SUMF1: variants seen among roughly 807,000 people sequenced by gnomAD.
SUMF1 encodes formylglycine-generating enzyme.
A neutral mutation model predicts 47.6 loss-of-function variants in SUMF1; 48 were observed. The ratio of observed to expected loss-of-function variants is 1.01; its 90% CI spans 0.80 to 1.28. The LOEUF (loss-of-function observed/expected upper bound fraction) is 1.28. Among genes scored for constraint, SUMF1 ranks in the 50% most tolerant of loss-of-function variants. SUMF1 has a pLI of 0.00. For missense variants in SUMF1, 571 were observed against 485.4 expected, an observed-to-expected ratio of 1.18 and a Z score of -1.66; for synonymous variants, 230 against 192.1, an observed-to-expected ratio of 1.20 and a Z score of -1.63.
chr3:4,422,547 G>A lies in SUMF1; in HGVS notation c.520-2401C>T, dbSNP rs79796343. On this transcript the variant is annotated intron_variant, in intron 3 of 8. Transcript: ENST00000272902. ...CCATTCTACTACTAATGGGTATTTG[G>A]GTAGTTTCCAGTTTGGGGCTATTAT... is the stretch of plus-strand genomic sequence containing the variant. Among the ~76,000 whole-genome samples the A allele has an allele frequency of 6.4e-3, 972 of 151,246 alleles. 11 individuals carry two copies. The highest frequency in any genetic ancestry group is 0.022 in the African/African-American group (924 of 41,294).
intron 8 of SUMF1, chr3:4,303,640 G>A: frequency 1.4e-6 from 2 of 1,425,832 alleles, no homozygotes; most frequent in Non-Finnish European, 1.8e-6. Flanking sequence ...TTCTCTTACA[G>A]CGCACCCGTT....
intron 8 of SUMF1, among the ~76,000 whole-genome samples, chr3:4,139,781 C>T (rs1285221987): frequency 6.6e-6 from 1 of 151,620 alleles, no homozygotes; most frequent in African/African-American, 2.4e-5. Flanking sequence ...AAAAAAAAAT[C>T]CCCCCTTTAC....
At chr3:4,157,509 A>G (rs1463441591) in intron 8 of SUMF1, among the ~76,000 whole-genome samples, 1 of 151,506 alleles carries the variant, frequency 6.6e-6, no homozygotes, top group Non-Finnish European at 1.5e-5. Context: ...TCTTAGTTTT[A>G]TATCACAATA....
At chr3:4,452,250 G>C (rs7640716) in intron 2 of SUMF1, among the ~76,000 whole-genome samples, 2,622 of 152,068 alleles carry the variant, frequency 0.017, 77 homozygotes, top group African/African-American at 0.06. Flanking sequence ...AACATTCATA[G>C]ACTAGAAAGC....
rs901709300 is a variant in SUMF1, at chr3:4,449,760, T to C, written c.445-420A>G. ...TGTTTGCTCACATTCTGACACATTC[T>C]AGTTCCACTAAGGGGTCAAATGTGC... On this transcript the variant is annotated intron_variant, in intron 2 of 8. Coordinates refer to ENST00000272902, the MANE Select transcript of SUMF1 (RefSeq NM_182760.4). Among the ~76,000 whole-genome samples the C allele has an allele frequency of 3.9e-5, 6 of 152,256 alleles. No homozygotes were observed. The South Asian group carries it at 1.2e-3, about 31-fold the overall frequency.
intron 8 of SUMF1, chr3:4,316,755 C>G (rs1175557666): frequency 1.3e-6 from 2 of 1,550,616 alleles, no homozygotes; most frequent in East Asian, 2.4e-5. Context: ...AAAGCACTTC[C>G]CAAAGCCAAT....
intron 7 of SUMF1, among the ~76,000 whole-genome samples, chr3:4,391,236 T>C (rs558894090): frequency 6.6e-6 from 1 of 152,042 alleles, no homozygotes; most frequent in Non-Finnish European, 1.5e-5. Flanking sequence ...CCAGGTGTGG[T>C]TTTTTGTTTT....
At chr3:4,448,592 C>G (rs1211212265) in intron 3 of SUMF1, among the ~76,000 whole-genome samples, 7 of 152,182 alleles carry the variant, frequency 4.6e-5, no homozygotes, top group Non-Finnish European at 1.0e-4. Flanking sequence ...TGTAAGCAAG[C>G]AAATACTCCA....
intron 8 of SUMF1, among the ~76,000 whole-genome samples, chr3:4,328,314 G>T (rs1698985850): frequency 6.6e-6 from 1 of 152,114 alleles, no homozygotes; most frequent in Admixed American, 6.5e-5. Flanking sequence ...AGGAGACTCA[G>T]TTTCCCAAAC....
chr3:4,458,240 G>C (rs1051082839), intron 1 of SUMF1, among the ~76,000 whole-genome samples: 9 of 152,190 alleles, frequency 5.9e-5, no homozygotes, highest in African/African-American at 2.2e-4. Context: ...ACAAGTGTTG[G>C]AGAAGATGTA....
rs143179313 is a variant in SUMF1, at chr3:4,344,331, C to A, written c.1014+31999G>T. Reference sequence around the variant, plus strand: ...CAGAGCTCCCAGAAGGAGTAGGCAACCATCTTTGCTGCTCTCCAGCCTCCT... The same window carrying A: ...CAGAGCTCCCAGAAGGAGTAGGCAAACATCTTTGCTGCTCTCCAGCCTCCT... On this transcript the variant is annotated intron_variant and NMD_transcript_variant, in intron 8 of 12. Transcript: ENST00000448413. Among the ~76,000 whole-genome samples, 225 of 152,322 alleles carry A rather than the reference C, an allele frequency of 1.5e-3. 1 individual carries two copies. Among genetic ancestry groups the A allele is most frequent in the African/African-American group, 5.3e-3 (219 of 41,570 alleles).
rs999803602 is a variant in SUMF1 at position 4,243,415 on chromosome 3, C to A, written c.1014+132915G>T. On this transcript the variant is annotated intron_variant and NMD_transcript_variant, in intron 8 of 12. Transcript: ENST00000448413. The stretch of plus-strand genomic sequence containing the variant: ...TGGGCATTTAGTGCTATAAATTTCC[C>A]TCTATACACTGCTTTAAATGTGTCC... Among the ~76,000 whole-genome samples the A allele has an allele frequency of 5.9e-5, 9 of 152,186 alleles. 1 individual carries two copies. Among genetic ancestry groups the A allele is most frequent in the Non-Finnish European group, 1.3e-4 (9 of 68,030 alleles).
chr3:4,285,492 A>G (rs750166137), intron 8 of SUMF1, among the ~76,000 whole-genome samples: 3 of 152,174 alleles, frequency 2.0e-5, no homozygotes, highest in Non-Finnish European at 4.4e-5. Context: ...GAAAAAATGT[A>G]TATGGTTATT....
intron 8 of SUMF1, 53 bp from the exon 9 acceptor site, chr3:4,362,307 C>A (rs1356736863): frequency 1.3e-6 from 2 of 1,489,680 alleles, no homozygotes; most frequent in Non-Finnish European, 1.9e-6. Context: ...CAGCTGAAGG[C>A]TCTAACCCAT....
At chr3:4,338,005 C>G (rs534424594) in intron 8 of SUMF1, among the ~76,000 whole-genome samples, 121 of 152,284 alleles carry the variant, frequency 7.9e-4, no homozygotes, top group Non-Finnish European at 1.4e-3. Context: ...GACACCAGGC[C>G]TCCCCTCTAT....
chr3:4,329,870 T>C (rs1181646782), intron 8 of SUMF1, among the ~76,000 whole-genome samples: 9 of 152,268 alleles, frequency 5.9e-5, no homozygotes, highest in Non-Finnish European at 2.9e-5. Context: ...ATTTTGTGAA[T>C]ATATAAAACT....
At chr3:4,190,293 G>A (rs1473284114) in intron 8 of SUMF1, among the ~76,000 whole-genome samples, 8 of 151,858 alleles carry the variant, frequency 5.3e-5, no homozygotes, top group East Asian at 1.9e-4. Flanking sequence ...ATGGAAACAC[G>A]AGGGAAGCAC....
At chr3:4,441,784 C>G (rs1702595699) in intron 3 of SUMF1, among the ~76,000 whole-genome samples, 1 of 152,184 alleles carries the variant, frequency 6.6e-6, no homozygotes, top group South Asian at 2.1e-4. Flanking sequence ...ACTCTGAAAG[C>G]TAGCTCAATG....
At chr3:4,055,115 T>C (rs1395727258) in intron 9 of SUMF1, among the ~76,000 whole-genome samples, 1 of 152,156 alleles carries the variant, frequency 6.6e-6, no homozygotes, top group African/African-American at 2.4e-5. Context: ...TCATGCAGTG[T>C]GTTGTTGACA....
Sources: allele counts gnomAD v4.1 joint callset (sites outside exome capture counted in the v4.1 genomes callset), GRCh38; gene constraint gnomAD v4.1.1; transcripts MANE v1.5; gene names NCBI Gene and HGNC (gene_info 2026-07-23, HGNC 2026-07-21).